The following RCL1 variants were observed in gnomAD, a reference collection of about 807,000 sequenced individuals.
The protein encoded by RCL1 is RNA terminal phosphate cyclase like 1.
Under a neutral mutation model 42.4 loss-of-function variants are expected in RCL1, and 24 were observed. That is an observed-to-expected ratio of 0.57 (90% CI 0.41 to 0.80). The LOEUF (loss-of-function observed/expected upper bound fraction) is 0.80. RCL1 is among the 30% of genes least tolerant of loss of function. The pLI is 0.00. For synonymous variants in RCL1, 228 were observed against 177.3 expected (o/e 1.29, Z -2.27); for missense variants, 578 against 467.9 (o/e 1.24, Z -2.17).
intron 1 of RCL1, among the ~76,000 whole-genome samples, chr9:4,822,828 A>G (rs958966634): frequency 6.6e-6 from 1 of 152,108 alleles, no homozygotes; most frequent in Non-Finnish European, 1.5e-5. Context: ...AAAATAAATA[A>G]ATAAACTTTT....
rs148369125 is a variant in RCL1 at position 4,838,017 on chromosome 9, A to G, written c.585-3215A>G. On this transcript the variant is annotated intron_variant, in intron 5 of 8. Coordinates refer to ENST00000381750, the MANE Select transcript of RCL1 (RefSeq NM_005772.5). ...CCCATTTCACAAACACCTCAAAGGAATGTTGGTTTGAATGGAGATCGCCCT... is the reference window on the plus strand; with the variant it reads ...CCCATTTCACAAACACCTCAAAGGAGTGTTGGTTTGAATGGAGATCGCCCT... Among the ~76,000 whole-genome samples the G allele has an allele frequency of 4.7e-4, 72 of 152,310 alleles. 1 individual carries two copies. The highest frequency in any genetic ancestry group is 1.6e-3 in the African/African-American group (67 of 41,582).
Position 4,844,594 on chromosome 9 carries a change from C to T in RCL1, c.780C>T (p.Ala260=), listed in dbSNP as rs1255852236. The T allele has an allele frequency of 1.9e-6, 3 of 1,614,068 alleles. No homozygotes were observed. Among genetic ancestry groups the T allele is most frequent in the Non-Finnish European group, 2.5e-6 (3 of 1,179,976 alleles). ...TSGTFLSAEL[A]SNPQGQGAAV... is the part of the protein sequence containing the mutation. ...GCACCTTCCTCAGTGCTGAACTGGCCTCCAACCCCCAGGGCCAGGGAGCAG... is the reference window on the plus strand; with the variant it reads ...GCACCTTCCTCAGTGCTGAACTGGCTTCCAACCCCCAGGGCCAGGGAGCAG... Residue 260 remains alanine (A), a synonymous_variant, in exon 7 of 9, where the codon GCC becomes GCT. Coordinates refer to ENST00000381750, the MANE Select transcript of RCL1 (RefSeq NM_005772.5).
chr9:4,820,372 A>C (rs563899017), intron 1 of RCL1, among the ~76,000 whole-genome samples: 23 of 152,304 alleles, frequency 1.5e-4, no homozygotes, highest in Admixed American at 1.4e-3. Flanking sequence ...CACTGTTGCC[A>C]GGGCTCCGGA....
chr9:4,836,887 A>G (rs1817155687), intron 5 of RCL1: 1 of 152,270 alleles, frequency 6.6e-6, no homozygotes, highest in Non-Finnish European at 1.5e-5. Context: ...CATCAAAACC[A>G]CAGGAATACA....
At chr9:4,824,336 C>A (rs1421201410) in intron 2 of RCL1, among the ~76,000 whole-genome samples, 1 of 151,090 alleles carries the variant, frequency 6.6e-6, no homozygotes, top group Non-Finnish European at 1.5e-5. Flanking sequence ...TTCAGACCAT[C>A]AGCAACATCA....
At chr9:4,795,445 A>G (rs1347525637) in intron 1 of RCL1, among the ~76,000 whole-genome samples, 3 of 152,200 alleles carry the variant, frequency 2.0e-5, no homozygotes, top group Non-Finnish European at 4.4e-5. Context: ...ATATACATGT[A>G]TATGTGTATA....
chr9:4,851,453 C>G (rs565401895), intron 8 of RCL1, among the ~76,000 whole-genome samples: 34 of 152,250 alleles, frequency 2.2e-4, no homozygotes, highest in African/African-American at 7.9e-4. Context: ...CTCTTTCTGC[C>G]CCTAATCACT....
chr9:4,851,118 G>C (rs1160838351), intron 8 of RCL1, among the ~76,000 whole-genome samples: 3 of 152,080 alleles, frequency 2.0e-5, no homozygotes. Context: ...GATATGACTG[G>C]ACATTTTTGA....
intron 3 of RCL1, chr9:4,827,392 A>G (rs1404003282): frequency 4.4e-6 from 3 of 686,180 alleles, no homozygotes; most frequent in Non-Finnish European, 6.8e-6. Flanking sequence ...AGGGCAGCTG[A>G]CCAAAATTTT....
At chr9:4,824,882 T>C (rs541693443) in intron 2 of RCL1, among the ~76,000 whole-genome samples, 127 of 152,340 alleles carry the variant, frequency 8.3e-4, no homozygotes, top group African/African-American at 2.8e-3. Context: ...GTAACTTTCA[T>C]TGGTGATCCA....
At chr9:4,800,215 T>A (rs1842975928) in intron 1 of RCL1, among the ~76,000 whole-genome samples, 1 of 152,096 alleles carries the variant, frequency 6.6e-6, no homozygotes, top group South Asian at 2.1e-4. Context: ...GTTTTTCTTT[T>A]TTTTTTTATT....
rs528576502 is a variant in RCL1, at chr9:4,811,626, C to T, written c.137-11922C>T. On this transcript the variant is annotated intron_variant, in intron 1 of 8. Coordinates refer to ENST00000381750, the MANE Select transcript of RCL1 (RefSeq NM_005772.5). ...TCTTTTTTATAGCTAAACAGTATTC[C>T]GTTATGTATGTGTTTGTGAATAGTG... Among the ~76,000 whole-genome samples, 51 of 152,246 alleles carry T rather than the reference C, an allele frequency of 3.3e-4. 2 individuals are homozygous for T. In the South Asian group the frequency reaches 8.7e-3, roughly 26 times the overall value.
intron 8 of RCL1, among the ~76,000 whole-genome samples, chr9:4,852,622 G>C (rs1817790252): frequency 6.6e-6 from 1 of 152,150 alleles, no homozygotes; most frequent in Admixed American, 6.5e-5. Context: ...CTGAAGTCCT[G>C]GACTTGTGGA....
At chr9:4,846,652 G>C (rs973957956) in intron 7 of RCL1, among the ~76,000 whole-genome samples, 2 of 152,120 alleles carry the variant, frequency 1.3e-5, no homozygotes, top group Non-Finnish European at 1.5e-5. Context: ...GTAGTGTCTG[G>C]CCGTGGCTGG....
chr9:4,852,509 G>C (rs1817786065), intron 8 of RCL1, among the ~76,000 whole-genome samples: 1 of 152,246 alleles, frequency 6.6e-6, no homozygotes, highest in African/African-American at 2.4e-5. Flanking sequence ...TTGGAGTCCA[G>C]CCTATCTGGA....
chr9:4,841,462 C>A, intron 6 of RCL1, 105 bp downstream of exon 6: 1 of 860,818 alleles, frequency 1.2e-6, no homozygotes, highest in Non-Finnish European at 1.8e-6. Context: ...AGAGGAAGAA[C>A]AATTTCAGAA....
chr9:4,829,908 C>G (rs1234118635), intron 3 of RCL1, among the ~76,000 whole-genome samples: 1 of 152,198 alleles, frequency 6.6e-6, no homozygotes, highest in East Asian at 1.9e-4. Flanking sequence ...CAGGTCACAG[C>G]TGACCTCATC....
intron 1 of RCL1, among the ~76,000 whole-genome samples, chr9:4,819,765 C>T (rs990617071): frequency 1.3e-5 from 2 of 152,226 alleles, no homozygotes; most frequent in Non-Finnish European, 2.9e-5. Context: ...CAAGATCGCG[C>T]CACTGCACTC....
At chr9:4,856,200 T>A (rs1817953023) in intron 8 of RCL1, among the ~76,000 whole-genome samples, 5 of 152,192 alleles carry the variant, frequency 3.3e-5, no homozygotes. Context: ...CTGTGTTTTC[T>A]TTTTTCCCTA....
Sources: gnomAD v4.1 joint callset for allele counts (sites outside exome capture counted in the v4.1 genomes callset) on GRCh38, gnomAD v4.1.1 for gene constraint, MANE v1.5 for transcripts, NCBI Gene and HGNC (gene_info 2026-07-23, HGNC 2026-07-21) for gene names.